RFX4: variants seen among roughly 807,000 people sequenced by gnomAD.
RFX4 encodes regulatory factor X4, also known as transcription factor RFX4.
A neutral mutation model predicts 95.0 loss-of-function variants in RFX4; 10 were observed. That is an observed-to-expected ratio of 0.11 (90% CI 0.06 to 0.18). The LOEUF is 0.18. Among genes scored for constraint, RFX4 ranks in the 10% least tolerant of loss-of-function variants. The pLI is 1.00. For synonymous variants in RFX4, 321 were observed against 340.7 expected (o/e 0.94, Z 0.64); for missense variants, 640 against 922.0 (o/e 0.69, Z 3.96).
chr12:106,611,461 ATC>A (rs1342001259), intron 2 of RFX4, among the ~76,000 whole-genome samples: 1 of 148,000 alleles, frequency 6.8e-6, no homozygotes, highest in Non-Finnish European at 1.5e-5. Context: ...TAGATTCGTG[ATC>A]TGTTTTGAGC....
intron 17 of RFX4, 24 bp downstream of exon 17, chr12:106,750,817 T>C (rs376711655): frequency 9.9e-6 from 15 of 1,519,632 alleles, no homozygotes; most frequent in Non-Finnish European, 1.3e-5. Flanking sequence ...CCTGGTTTCT[T>C]GGCCAGGCCT....
At chr12:106,689,077 G>C (rs138401905) in intron 6 of RFX4, among the ~76,000 whole-genome samples, 1 of 152,160 alleles carries the variant, frequency 6.6e-6, no homozygotes, top group Non-Finnish European at 1.5e-5. Flanking sequence ...AAACACACTC[G>C]TGCTGTGTGA....
intron 1 of RFX4, among the ~76,000 whole-genome samples, chr12:106,583,961 G>A (rs2039414109): frequency 6.6e-6 from 1 of 152,222 alleles, no homozygotes; most frequent in South Asian, 2.1e-4. Flanking sequence ...GGGCTGTGGG[G>A]TCGGGCTTTT....
At chr12:106,707,623 T>A (rs1193930118) in intron 8 of RFX4, among the ~76,000 whole-genome samples, 1 of 151,740 alleles carries the variant, frequency 6.6e-6, no homozygotes, top group Non-Finnish European at 1.5e-5. Context: ...GGGTTTAGAA[T>A]CATGCATGGG....
intron 17 of RFX4, among the ~76,000 whole-genome samples, chr12:106,752,753 G>A (rs577758552): frequency 1.3e-5 from 2 of 152,176 alleles, no homozygotes; most frequent in East Asian, 3.9e-4. Context: ...CATCTCCTTG[G>A]GCTCCTCACT....
chr12:106,687,996 C>A (rs2041696304), intron 6 of RFX4, among the ~76,000 whole-genome samples: 1 of 150,036 alleles, frequency 6.7e-6, no homozygotes, highest in Non-Finnish European at 1.5e-5. Context: ...TAGTTTTGAT[C>A]ATAGAATATT....
chr12:106,641,904 G>T (rs1436167992), intron 3 of RFX4, among the ~76,000 whole-genome samples: 2 of 151,944 alleles, frequency 1.3e-5, no homozygotes, highest in Non-Finnish European at 2.9e-5. Context: ...AAGAAGAGGA[G>T]CTGATGACAG....
chr12:106,687,917 T>G (rs1443280819), intron 6 of RFX4, among the ~76,000 whole-genome samples: 1 of 152,198 alleles, frequency 6.6e-6, no homozygotes, highest in Non-Finnish European at 1.5e-5. Flanking sequence ...TTTTCCCATG[T>G]GCTGCAGGGG....
At chr12:106,627,925 CTG>C (rs2040337068) in intron 2 of RFX4, among the ~76,000 whole-genome samples, 1 of 152,224 alleles carries the variant, frequency 6.6e-6, no homozygotes, top group African/African-American at 2.4e-5. Context: ...TAGGGCAACA[CTG>C]AGAGTCCAGG....
At chr12:106,682,368 A>C in intron 5 of RFX4, 1 of 403,352 alleles carries the variant, frequency 2.5e-6, no homozygotes, top group Non-Finnish European at 4.5e-6. Context: ...CTCTTGGAGG[A>C]TCACCAGGTT....
At chr12:106,708,702 T>G (rs2137491127) in intron 8 of RFX4, among the ~76,000 whole-genome samples, 1 of 152,214 alleles carries the variant, frequency 6.6e-6, no homozygotes, top group South Asian at 2.1e-4. Context: ...GGCCAGAAAA[T>G]GGTGCCCGGT....
intron 11 of RFX4, among the ~76,000 whole-genome samples, chr12:106,716,935 C>T (rs190730407): frequency 5.5e-5 from 8 of 146,498 alleles, no homozygotes; most frequent in East Asian, 2.0e-4. Context: ...TCTGGTCTCA[C>T]GTCTAGTCCC....
chr12:106,662,137 C>A, intron 4 of RFX4: 1 of 388,426 alleles, frequency 2.6e-6, no homozygotes, highest in East Asian at 8.6e-5. Flanking sequence ...AATAAACTGC[C>A]AAACTGTCTT....
intron 7 of RFX4, 33 bp from the exon 8 acceptor site, chr12:106,696,249 AC>A: frequency 6.2e-7 from 1 of 1,611,264 alleles, no homozygotes. Context: ...GCCCTGGGTA[AC>A]CTCATGATTC....
At chr12:106,711,534 T>G (rs2042190932) in intron 10 of RFX4, 23 bp downstream of exon 10, 5 of 1,608,476 alleles carry the variant, frequency 3.1e-6, no homozygotes, top group Non-Finnish European at 4.3e-6. Context: ...CATTATGTGT[T>G]TTAATCACTG....
At chr12:106,590,189 T>TG (rs2039517675) in intron 1 of RFX4, among the ~76,000 whole-genome samples, 1 of 152,260 alleles carries the variant, frequency 6.6e-6, no homozygotes, top group African/African-American at 2.4e-5. Flanking sequence ...TGTGAGCATT[T>TG]GGTCTGGAAG....
chr12:106,719,868 T>G (rs2042363579), intron 11 of RFX4, 92 bp from the exon 12 acceptor site: 6 of 988,776 alleles, frequency 6.1e-6, no homozygotes, highest in Non-Finnish European at 9.5e-6. Context: ...AGTTTTACTT[T>G]ATTCAAAGTT....
intron 10 of RFX4, among the ~76,000 whole-genome samples, chr12:106,712,247 C>T (rs936433362): frequency 1.3e-5 from 2 of 152,234 alleles, no homozygotes; most frequent in Non-Finnish European, 2.9e-5. Flanking sequence ...TGGTCACTAA[C>T]AGTTGGAACT....
At chr12:106,643,277 T>C (rs1565961577) in intron 3 of RFX4, among the ~76,000 whole-genome samples, 1 of 152,154 alleles carries the variant, frequency 6.6e-6, no homozygotes, top group African/African-American at 2.4e-5. Flanking sequence ...CCACCACTCC[T>C]TCCCGGGATG....
Sources: allele counts gnomAD v4.1 joint callset (sites outside exome capture counted in the v4.1 genomes callset), GRCh38; gene constraint gnomAD v4.1.1; transcripts MANE v1.5; gene names NCBI Gene and HGNC (gene_info 2026-07-23, HGNC 2026-07-21).